STXBP5: variants seen among roughly 807,000 people sequenced by gnomAD.
STXBP5 encodes syntaxin-binding protein 5.
In STXBP5, 50 loss-of-function variants were observed where a neutral mutation model predicts 152.4. The observed-to-expected ratio is 0.33, with a 90% CI of 0.26 to 0.42. The LOEUF is 0.42. Ranked by LOEUF, STXBP5 falls within the 10% of genes least tolerant of loss-of-function variation. The pLI, the probability that STXBP5 is intolerant of heterozygous loss-of-function variation, is 1.00. For synonymous variants in STXBP5, 492 were observed against 494.7 expected (o/e 0.99, Z 0.07); for missense variants, 1,167 against 1,388.6 (o/e 0.84, Z 2.54).
intron 25 of STXBP5, among the ~76,000 whole-genome samples, chr6:147,373,039 A>G (rs1436232493): frequency 2.0e-5 from 3 of 152,126 alleles, no homozygotes; most frequent in Non-Finnish European, 4.4e-5. Context: ...ACATATCATC[A>G]TTATTACACT....
intron 27 of STXBP5, 35 bp downstream of exon 27, chr6:147,383,033 T>C (rs1328680420): frequency 1.2e-6 from 2 of 1,606,046 alleles, no homozygotes; most frequent in Non-Finnish European, 1.7e-6. Context: ...AACAAAAAGC[T>C]CTAGGTAAAG....
intron 26 of STXBP5, among the ~76,000 whole-genome samples, chr6:147,380,470 A>C (rs1786031069): frequency 6.6e-6 from 1 of 151,278 alleles, no homozygotes; most frequent in Non-Finnish European, 1.5e-5. Context: ...AAAAAAAAAA[A>C]GATGTTGGGC....
intron 26 of STXBP5, among the ~76,000 whole-genome samples, chr6:147,378,410 A>C (rs962748773): frequency 2.6e-5 from 1 of 38,422 alleles, no homozygotes; most frequent in Middle Eastern, 0.011. Context: ...ATTTATCATT[A>C]AAAAAAAAAA....
chr6:147,307,290 G>C (rs1782141430), intron 9 of STXBP5, among the ~76,000 whole-genome samples: 1 of 152,108 alleles, frequency 6.6e-6, no homozygotes, highest in South Asian at 2.1e-4. Context: ...ATCATTAAAA[G>C]GGATTCTACT....
At position 147,235,479 on chromosome 6, in the gene STXBP5, A is replaced by T. The variant is rs575888504; in HGVS notation, c.330+148A>T. 300 of 653,078 alleles carry T rather than the reference A, an allele frequency of 4.6e-4. 3 individuals carry two copies. In the South Asian group the frequency reaches 5.5e-3, roughly 12 times the overall value. 40.5% of individuals were successfully genotyped at this position (653,078 alleles called of 1,614,324 possible). ...ATCAGAAATAGTAGTAATTCGTTTTAAGGTACCGTCATGGACAGTTACATA... is the reference window on the plus strand; with the variant it reads ...ATCAGAAATAGTAGTAATTCGTTTTTAGGTACCGTCATGGACAGTTACATA... On this transcript the variant is annotated intron_variant, in intron 3 of 27. Transcript: ENST00000321680.
intron 4 of STXBP5, among the ~76,000 whole-genome samples, chr6:147,246,035 T>A (rs1038422973): frequency 6.6e-6 from 1 of 152,206 alleles, no homozygotes; most frequent in African/African-American, 2.4e-5. Flanking sequence ...CATATCACCT[T>A]TGTTCCTCTT....
At chr6:147,315,771 T>C (rs754049976) in intron 15 of STXBP5, 36 bp downstream of exon 15, 22 of 1,569,448 alleles carry the variant, frequency 1.4e-5, no homozygotes, top group African/African-American at 2.7e-5. Flanking sequence ...GGTCAAGTTA[T>C]TTTCATCCAC....
intron 25 of STXBP5, among the ~76,000 whole-genome samples, chr6:147,372,631 C>T (rs1162571038): frequency 1.3e-5 from 2 of 151,470 alleles, no homozygotes; most frequent in African/African-American, 4.8e-5. Flanking sequence ...GACAGGGTTT[C>T]ACCATGTTGG....
chr6:147,204,613 G>T lies in STXBP5; in HGVS notation c.81G>T (p.Gln27His). 3 of 1,611,014 alleles carry T rather than the reference G, an allele frequency of 1.9e-6. No individual in the cohort carries two copies. Among genetic ancestry groups the T allele is most frequent in the Non-Finnish European group, 2.5e-6 (3 of 1,178,522 alleles). Residue 27 changes from glutamine (Q) to histidine (H), a missense_variant, in exon 1 of 28, where the codon CAG becomes CAT. Around this residue, in one of 3 missense-constraint regions of STXBP5, gnomAD observed 310 missense variants for 346.1 expected, o/e 0.90. Transcript: ENST00000321680. The surrounding 1 kb of genome is among the most constrained non-coding windows in gnomAD (Gnocchi z 4.3). ...SSSASQQQQQ[Q>H]HPPGNREPEI... Reference sequence around the variant, plus strand: ...CGGCGTCGCAGCAGCAACAGCAGCAGCATCCGCCTGGGAACCGGGAGCCGG... The same window carrying T: ...CGGCGTCGCAGCAGCAACAGCAGCATCATCCGCCTGGGAACCGGGAGCCGG...
chr6:147,351,603 G>T (rs1784592687), intron 21 of STXBP5, among the ~76,000 whole-genome samples: 1 of 152,128 alleles, frequency 6.6e-6, no homozygotes, highest in African/African-American at 2.4e-5. Context: ...ACTAACTGCA[G>T]ATGTTATTTG....
intron 9 of STXBP5, among the ~76,000 whole-genome samples, chr6:147,309,291 A>T (rs1478695832): frequency 6.6e-6 from 1 of 152,164 alleles, no homozygotes; most frequent in African/African-American, 2.4e-5. Context: ...AGAAAATAAT[A>T]TACAGAAAAT....
At chr6:147,207,688 A>G (rs1289021413) in intron 2 of STXBP5, among the ~76,000 whole-genome samples, 1 of 152,112 alleles carries the variant, frequency 6.6e-6, no homozygotes, top group Non-Finnish European at 1.5e-5. Context: ...TTTTTTCCCA[A>G]CAAGATAATT....
intron 14 of STXBP5, among the ~76,000 whole-genome samples, chr6:147,315,259 C>T (rs972430487): frequency 2.0e-5 from 3 of 152,036 alleles, no homozygotes; most frequent in African/African-American, 4.8e-5. Flanking sequence ...TTTTATTACT[C>T]ATTTTTTTAA....
At chr6:147,264,883 T>TA (rs1484291939) in intron 6 of STXBP5, among the ~76,000 whole-genome samples, 1 of 152,058 alleles carries the variant, frequency 6.6e-6, no homozygotes, top group African/African-American at 2.4e-5. Flanking sequence ...ATCCTTAGAA[T>TA]ACTAGAGCTG....
chr6:147,303,125 C>T (rs779821720), intron 9 of STXBP5, among the ~76,000 whole-genome samples: 3 of 152,010 alleles, frequency 2.0e-5, no homozygotes, highest in Non-Finnish European at 4.4e-5. Flanking sequence ...ATAATCTGAT[C>T]AGTATAGGAT....
At position 147,390,163 on chromosome 6, in the gene STXBP5, A is replaced by G. The variant is rs1186953760; in HGVS notation, c.*5408A>G. ...ATTGCTGGAATATGCATTTTGAAAT[A>G]CGGTTTAAAAAAAATCTGTGTATTG... On this transcript the variant is annotated 3_prime_UTR_variant, in exon 28 of 28. Coordinates refer to ENST00000321680, the MANE Select transcript of STXBP5 (RefSeq NM_001127715.4). The G allele has an allele frequency of 6.6e-6, 1 of 151,984 alleles. No homozygotes were observed. The highest frequency in any genetic ancestry group is 1.5e-5 in the Non-Finnish European group (1 of 67,940). 9.4% of individuals were successfully genotyped at this position (151,984 alleles called of 1,614,324 possible).
chr6:147,273,906 G>A (rs1171900638), intron 7 of STXBP5, among the ~76,000 whole-genome samples: 1 of 151,496 alleles, frequency 6.6e-6, no homozygotes, highest in Non-Finnish European at 1.5e-5. Flanking sequence ...GAGACGAGAT[G>A]GCGCCACTGC....
chr6:147,311,543 T>C lies in STXBP5; in HGVS notation c.1145+16T>C. 1 of 1,589,056 alleles carries C rather than the reference T, an allele frequency of 6.3e-7. No homozygotes were observed. Among genetic ancestry groups the C allele is most frequent in the Non-Finnish European group, 8.6e-7 (1 of 1,159,980 alleles). ...CACAAAATGGGTAAGAAATAAAATT[T>C]GGTGAGTGATTCTATCAGTATGTGG... is the stretch of plus-strand genomic sequence containing the variant. On this transcript the variant is annotated intron_variant, in intron 11 of 27. Transcript: ENST00000321680.
At chr6:147,353,818 T>A (rs1430173247) in intron 22 of STXBP5, among the ~76,000 whole-genome samples, 1 of 152,196 alleles carries the variant, frequency 6.6e-6, no homozygotes, top group Non-Finnish European at 1.5e-5. Context: ...CGTTACTAAC[T>A]TTTTGATTAT....
Sources: gnomAD v4.1 joint callset for allele counts (sites outside exome capture counted in the v4.1 genomes callset) on GRCh38, gnomAD v4.1.1 for gene constraint, gnomAD v4.1.1 regional missense constraint, Gnocchi (gnomAD v3.1) non-coding constraint, MANE v1.5 for transcripts, NCBI Gene and HGNC (gene_info 2026-07-23, HGNC 2026-07-21) for gene names.